Variants in EVC2 observed in about 807,000 individuals in gnomAD.
EVC2 encodes EvC ciliary complex subunit 2, also known as limbin.
In EVC2, 148 loss-of-function variants were observed where a neutral mutation model predicts 149.3. That is an observed-to-expected ratio of 0.99 (90% CI 0.87 to 1.14). The LOEUF is 1.14. EVC2 is among the 50% of genes most tolerant of loss of function. The probability of loss-of-function intolerance (pLI) is 0.00; values close to 1 mark genes in which losing one functional copy is unlikely to be tolerated. For missense variants in EVC2, 1,854 were observed against 1,627.3 expected, an observed-to-expected ratio of 1.14 and a Z score of -2.40; for synonymous variants, 776 against 649.9, an observed-to-expected ratio of 1.19 and a Z score of -2.95.
intron 17 of EVC2, among the ~76,000 whole-genome samples, chr4:5,580,757 G>A (rs929431102): frequency 1.3e-4 from 9 of 71,538 alleles, no homozygotes; most frequent in Non-Finnish European, 2.4e-4. Flanking sequence ...ATTTGCTACG[G>A]AGTTTTATCT....
intron 7 of EVC2, among the ~76,000 whole-genome samples, chr4:5,669,714 C>G (rs1181835552): frequency 6.6e-6 from 1 of 152,190 alleles, no homozygotes; most frequent in African/African-American, 2.4e-5. Context: ...CCACTTCCAC[C>G]TTCTAAATCC....
At chr4:5,689,425 A>T in intron 4 of EVC2, 82 bp from the exon 5 acceptor site, 1 of 1,382,776 alleles carries the variant, frequency 7.2e-7, no homozygotes, top group Non-Finnish European at 1.0e-6. Flanking sequence ...CAGCCTGTGC[A>T]CATTAGGCAT....
At chr4:5,596,111 A>C (rs1484092878) in intron 16 of EVC2, among the ~76,000 whole-genome samples, 2 of 152,184 alleles carry the variant, frequency 1.3e-5, no homozygotes, top group South Asian at 4.1e-4. Context: ...CTCCCACACA[A>C]TAACAATGGG....
At chr4:5,543,001 T>C in intron 22 of EVC2, 2 of 525,424 alleles carry the variant, frequency 3.8e-6, no homozygotes, top group South Asian at 3.7e-5. Context: ...ACCCACACTG[T>C]TAAGTGATGC....
chr4:5,709,419 T>TATA (rs1722447874), upstream of EVC2: 1 of 152,262 alleles, frequency 6.6e-6, no homozygotes, highest in African/African-American at 2.4e-5. Flanking sequence ...TTAGGCTGTC[T>TATA]ATAAAGTCTC....
chr4:5,579,342 G>A (rs1484619500), intron 17 of EVC2, among the ~76,000 whole-genome samples: 1 of 152,216 alleles, frequency 6.6e-6, no homozygotes, highest in Non-Finnish European at 1.5e-5. Flanking sequence ...TCATGGGATG[G>A]ACATGAGGTT....
In EVC2 at chr4:5,697,608, G is replaced by A; in HGVS notation, c.268C>T (p.His90Tyr). 4.3e-6 allele frequency: 7 copies of A among 1,614,116 alleles called. No homozygotes were observed. Among genetic ancestry groups the A allele is most frequent in the Non-Finnish European group, 5.1e-6 (6 of 1,180,024 alleles). The part of the protein sequence containing the change: ...CMIWPKVECC[H>Y]FKTAVEAPLG... ...AAAAACTCACCTGCAGTCTTAAAGT[G>A]ACAGCATTCCACTTTGGGCCAAATC... is the stretch of plus-strand genomic sequence containing the variant. Residue 90 changes from histidine (H) to tyrosine (Y), a missense_variant, in exon 2 of 22, where the codon CAC becomes TAC. Coordinates refer to ENST00000344408, the MANE Select transcript of EVC2 (RefSeq NM_147127.5).
intron 16 of EVC2, among the ~76,000 whole-genome samples, chr4:5,588,374 T>C (rs986108518): frequency 6.6e-6 from 1 of 152,204 alleles, no homozygotes; most frequent in Non-Finnish European, 1.5e-5. Context: ...TAGAAAAATT[T>C]TCCTCAAGTT....
rs1004837015 is a variant in EVC2 at position 5,636,683 on chromosome 4, T to C, written c.1470+3831A>G. Among the ~76,000 whole-genome samples the C allele has an allele frequency of 3.9e-5, 6 of 152,130 alleles. No homozygotes were observed. The highest frequency in any genetic ancestry group is 8.8e-5 in the Non-Finnish European group (6 of 68,034). On this transcript the variant is annotated intron_variant, in intron 10 of 21. Transcript: ENST00000344408. The surrounding 1 kb of genome is among the most constrained non-coding windows in gnomAD (Gnocchi z 4.6). ...ATGGTGGGGAGGGTCCTGGAACCAA[T>C]GCTTCCTGGGTATCAAGGGAGGGAT...
chr4:5,642,900 C>T (rs1237320955), intron 9 of EVC2, among the ~76,000 whole-genome samples: 1 of 152,168 alleles, frequency 6.6e-6, no homozygotes, highest in Non-Finnish European at 1.5e-5. Flanking sequence ...TTCTCTACTG[C>T]CTTTAATGTT....
Position 5,653,837 on chromosome 4 carries a change from C to T in EVC2, c.1145+9270G>A, listed in dbSNP as rs147107776. Among the ~76,000 whole-genome samples, 1,307 of 152,302 alleles carry T rather than the reference C, an allele frequency of 8.6e-3. 10 individuals carry two copies. Among genetic ancestry groups the T allele is most frequent in the Middle Eastern group, 0.031 (9 of 294 alleles). ...AAAAGTAGAGCTGGACTCCTTAATG[C>T]GTGCCTGTTACAAACGAGGCCCACC... On this transcript the variant is annotated intron_variant, in intron 9 of 21. Transcript: ENST00000344408.
At chr4:5,568,246 G>GT (rs1722420777) in intron 20 of EVC2, among the ~76,000 whole-genome samples, 198 bp downstream of exon 20, 1 of 150,092 alleles carries the variant, frequency 6.7e-6, no homozygotes, top group Admixed American at 6.6e-5. Context: ...TTTTTTTTAC[G>GT]TTTTCTTTAA....
chr4:5,656,724 G>A (rs1031804840), intron 9 of EVC2, among the ~76,000 whole-genome samples: 2 of 152,176 alleles, frequency 1.3e-5, no homozygotes, highest in Non-Finnish European at 2.9e-5. Context: ...AGGGAGCATG[G>A]CCCTGCTGAT....
At chr4:5,583,363 A>C (rs2108786541) in intron 17 of EVC2, among the ~76,000 whole-genome samples, 1 of 152,342 alleles carries the variant, frequency 6.6e-6, no homozygotes, top group East Asian at 1.9e-4. Flanking sequence ...ATCTAGCATG[A>C]TAAAATGAGT....
At chr4:5,666,059 T>C (rs1443391814) in intron 7 of EVC2, among the ~76,000 whole-genome samples, 2 of 152,154 alleles carry the variant, frequency 1.3e-5, no homozygotes, top group Admixed American at 6.5e-5. Context: ...CACCCTCACC[T>C]TCCCGCTACC....
intron 16 of EVC2, among the ~76,000 whole-genome samples, chr4:5,587,198 T>C (rs1712365776): frequency 6.6e-6 from 1 of 152,178 alleles, no homozygotes; most frequent in Admixed American, 6.5e-5. Context: ...CCCACCTCTA[T>C]TTAGTCTGAG....
chr4:5,572,007 G>C (rs936912638), intron 19 of EVC2, among the ~76,000 whole-genome samples: 2 of 152,190 alleles, frequency 1.3e-5, no homozygotes, highest in African/African-American at 4.8e-5. Context: ...CAACCCTGCA[G>C]AATTTGGACT....
At chr4:5,672,322 G>A (rs774609774) in intron 7 of EVC2, among the ~76,000 whole-genome samples, 2 of 152,236 alleles carry the variant, frequency 1.3e-5, no homozygotes, top group African/African-American at 2.4e-5. Flanking sequence ...TTCGAGAGCA[G>A]GTTAGGGATT....
intron 16 of EVC2, among the ~76,000 whole-genome samples, chr4:5,601,520 GA>G (rs60341202): frequency 0.2 from 27,009 of 136,414 alleles, 5,979 homozygotes; most frequent in African/African-American, 0.55. Context: ...TAAAAAAAAG[GA>G]AAAAAAAAAA....
Sources: allele counts gnomAD v4.1 joint callset (sites outside exome capture counted in the v4.1 genomes callset), GRCh38; gene constraint gnomAD v4.1.1; non-coding constraint Gnocchi (gnomAD v3.1); transcripts MANE v1.5; gene names NCBI Gene and HGNC (gene_info 2026-07-23, HGNC 2026-07-21).